MAP4K2: variants seen among roughly 807,000 people sequenced by gnomAD.
MAP4K2 encodes mitogen-activated protein kinase kinase kinase kinase 2.
A neutral mutation model predicts 125.3 loss-of-function variants in MAP4K2; 85 were observed. That is an observed-to-expected ratio of 0.68 (90% CI 0.57 to 0.81). MAP4K2 has a LOEUF of 0.81. MAP4K2 is among the 40% of genes least tolerant of loss of function. MAP4K2 has a pLI of 0.00. For synonymous variants in MAP4K2, 479 were observed against 445.1 expected (o/e 1.08, Z -0.96); for missense variants, 923 against 1,056.4 (o/e 0.87, Z 1.75).
Position 64,789,958 on chromosome 11 carries a change from C to T in MAP4K2, c.2250G>A (p.Val750=), listed in dbSNP as rs896548407. ...LTFDFPIETV[V]CLQDSVLAFW... The stretch of plus-strand genomic sequence containing the variant: ...AGGCCAGCACACTGTCCTGCAGGCA[C>T]ACTATGGGGGCCAGGCCACCATCAG... Residue 750 remains valine (V), a splice_region_variant and synonymous_variant, in exon 30 of 32, where the codon GTG becomes GTA. Coordinates refer to ENST00000294066, the MANE Select transcript of MAP4K2 (RefSeq NM_004579.5). The T allele has an allele frequency of 3.7e-6, 6 of 1,613,144 alleles. No individual in the cohort carries two copies. The highest frequency in any genetic ancestry group is 1.3e-5 in the African/African-American group (1 of 74,890).
intron 27 of MAP4K2, among the ~76,000 whole-genome samples, chr11:64,790,939 C>T (rs1303394400): frequency 6.6e-6 from 1 of 152,116 alleles, no homozygotes; most frequent in Non-Finnish European, 1.5e-5. Flanking sequence ...TGTTGGAGAC[C>T]AGCCTGGCCA....
At chr11:64,797,568 T>C in intron 16 of MAP4K2, 34 bp from the exon 17 acceptor site, 1 of 1,575,190 alleles carries the variant, frequency 6.3e-7, no homozygotes, top group East Asian at 2.3e-5. Context: ...AGGCATGAGG[T>C]GTGACTGGCA....
At position 64,803,115 on chromosome 11, in the gene MAP4K2, G is replaced by T; in HGVS notation, c.35C>A (p.Pro12Gln). ...ALLRDVSLQD[P>Q]RDRFELLQRV... ...CTGCAGCAGCTCGAAGCGGTCCCGCGGGTCCTGCAGCGACACATCCCGCAG... is the reference window on the plus strand; with the variant it reads ...CTGCAGCAGCTCGAAGCGGTCCCGCTGGTCCTGCAGCGACACATCCCGCAG... Residue 12 changes from proline (P) to glutamine (Q), a missense_variant, in exon 1 of 32, where the codon CCG becomes CAG. Transcript: ENST00000294066. The T allele has an allele frequency of 6.3e-7, 1 of 1,583,942 alleles. No individual in the cohort carries two copies.
At chr11:64,800,418 G>A (rs748602792) in intron 10 of MAP4K2, 26 bp from the exon 11 acceptor site, 81 of 1,610,636 alleles carry the variant, frequency 5.0e-5, no homozygotes, top group Middle Eastern at 1.6e-4. Flanking sequence ...GCCCCCCAGC[G>A]CCAGATCCAG....
chr11:64,798,752 C>T (rs1940980399), intron 15 of MAP4K2, 42 bp downstream of exon 15: 1 of 1,610,622 alleles, frequency 6.2e-7, no homozygotes, highest in Non-Finnish European at 8.5e-7. Context: ...AGCCTTTCTG[C>T]CGCCCCTGCC....
chr11:64,801,002 C>A lies in MAP4K2; in HGVS notation c.560G>T (p.Arg187Leu). The A allele has an allele frequency of 6.2e-7, 1 of 1,613,966 alleles. No homozygotes were observed. The highest frequency in any genetic ancestry group is 8.5e-7 in the Non-Finnish European group (1 of 1,180,000). Residue 187 changes from arginine to leucine, a missense_variant, in exon 9 of 32, where the codon CGC (arginine) becomes CTC (leucine). This residue lies in a region of MAP4K2 where 833 missense variants were observed against 911.4 expected (regional missense o/e 0.91). Coordinates refer to ENST00000294066, the MANE Select transcript of MAP4K2 (RefSeq NM_004579.5). ...ACATAGCTCATTGTAGCCACCTTTGCGCTCCACAGCAGCCACCTCGGGAGC... is the reference window on the plus strand; with the variant it reads ...ACATAGCTCATTGTAGCCACCTTTGAGCTCCACAGCAGCCACCTCGGGAGC... Reference protein sequence around the residue: ...WMAPEVAAVERKGGYNELCDV... With the variant: ...WMAPEVAAVELKGGYNELCDV...
chr11:64,788,489 C>T lies in MAP4K2; in HGVS notation c.*1048G>A, dbSNP rs1940296872. 1 of 152,280 alleles carries T rather than the reference C, an allele frequency of 6.6e-6. No individual in the cohort carries two copies. The highest frequency in any genetic ancestry group is 2.1e-4 in the South Asian group (1 of 4,830). The allele number at this position is 152,280 out of a possible 1,614,324, so 9.4% of individuals were successfully genotyped here. A position where few individuals can be genotyped will look rare whatever the true frequency, so the allele number is the denominator to read the frequency against. ...GACCCTTGGAGAATGACAGCGTAAG[C>T]ACAAGCTACAGGAGAATGGCCATGC... On this transcript the variant is annotated 3_prime_UTR_variant, in exon 32 of 32. Transcript: ENST00000294066.
chr11:64,799,722 G>A (rs762196632), intron 12 of MAP4K2, 39 bp from the exon 13 acceptor site: 49 of 1,563,502 alleles, frequency 3.1e-5, no homozygotes, highest in Middle Eastern at 1.7e-4. Flanking sequence ...CACCTGGCAC[G>A]CGCCTCATGC....
intron 7 of MAP4K2, 47 bp from the exon 8 acceptor site, chr11:64,801,230 AC>A: frequency 6.3e-7 from 1 of 1,587,666 alleles, no homozygotes; most frequent in Non-Finnish European, 8.6e-7. Context: ...GCTGCCACTC[AC>A]CCTCCCACGC....
rs1210441898 is a variant in MAP4K2, at chr11:64,785,147, A to G, written c.*4390T>C. 1 of 152,242 alleles carries G rather than the reference A, an allele frequency of 6.6e-6. No homozygotes were observed. Among genetic ancestry groups the G allele is most frequent in the Non-Finnish European group, 1.5e-5 (1 of 68,036 alleles). 9.4% of individuals were successfully genotyped at this position (152,242 alleles called of 1,614,324 possible). On this transcript the variant is annotated 3_prime_UTR_variant, in exon 32 of 32. Coordinates refer to ENST00000294066, the MANE Select transcript of MAP4K2 (RefSeq NM_004579.5). Reference sequence around the variant, plus strand: ...AAGTACATACTGTGTGATTCTATTTACATACATTCTAGAAAGTGCAGATTA... The same window carrying G: ...AAGTACATACTGTGTGATTCTATTTGCATACATTCTAGAAAGTGCAGATTA...
chr11:64,794,209 C>T (rs1267593424), intron 24 of MAP4K2, among the ~76,000 whole-genome samples: 2 of 152,236 alleles, frequency 1.3e-5, no homozygotes, highest in Non-Finnish European at 1.5e-5. Flanking sequence ...CCCCCTGAAA[C>T]TGCTCCACCT....
intron 15 of MAP4K2, 75 bp downstream of exon 15, chr11:64,798,719 G>T (rs1177968324): frequency 1.3e-6 from 2 of 1,534,380 alleles, no homozygotes; most frequent in African/African-American, 1.4e-5. Context: ...ACAGGCATGA[G>T]CCACCACGCC....
chr11:64,797,609 A>C lies in MAP4K2; in HGVS notation c.1136+17T>G. 8 of 1,579,010 alleles carry C rather than the reference A, an allele frequency of 5.1e-6. No homozygotes were observed. Among genetic ancestry groups the C allele is most frequent in the Non-Finnish European group, 6.0e-6 (7 of 1,161,598 alleles). ...GCCACCTGCCCCTTGCCCCTCCCCC[A>C]GGCCCACATCCCTCACCTTTCCTCC... On this transcript the variant is annotated intron_variant, in intron 16 of 31. Transcript: ENST00000294066.
intron 19 of MAP4K2, 35 bp from the exon 20 acceptor site, chr11:64,797,058 C>G: frequency 1.9e-6 from 3 of 1,614,092 alleles, no homozygotes; most frequent in East Asian, 2.2e-5. Flanking sequence ...GCTGATATGA[C>G]AGCTGTAGCC....
Position 64,797,770 on chromosome 11 carries a change from A to G in MAP4K2, c.1098-106T>C, listed in dbSNP as rs1408303045. The G allele has an allele frequency of 2.0e-5, 22 of 1,107,968 alleles. No individual in the cohort carries two copies. The South Asian group carries it at 2.9e-4, about 15-fold the overall frequency. 68.6% of individuals were successfully genotyped at this position (1,107,968 alleles called of 1,614,324 possible). ...ACCCAGGCCGGAGTGCAGTGGCGCAATCGCGGCTCACTGCAAGCTCCGCCC... is the reference window on the plus strand; with the variant it reads ...ACCCAGGCCGGAGTGCAGTGGCGCAGTCGCGGCTCACTGCAAGCTCCGCCC... On this transcript the variant is annotated intron_variant, in intron 15 of 31. Coordinates refer to ENST00000294066, the MANE Select transcript of MAP4K2 (RefSeq NM_004579.5).
chr11:64,802,987 G>A (rs1941332153), intron 1 of MAP4K2, 45 bp from the exon 2 acceptor site: 1 of 1,560,228 alleles, frequency 6.4e-7, no homozygotes, highest in Non-Finnish European at 8.7e-7. Context: ...GGGGCCGGGG[G>A]CTAGATCCTG....
chr11:64,799,427 A>T lies in MAP4K2; in HGVS notation c.1047T>A (p.Asn349Lys), dbSNP rs577821540. The T allele has an allele frequency of 6.2e-7, 1 of 1,612,730 alleles. No individual in the cohort carries two copies. Among genetic ancestry groups the T allele is most frequent in the East Asian group, 2.2e-5 (1 of 44,874 alleles). ...TCAAGGCCTGCCCACTCACCGGCTC[A>T]TTCAGTGGGTCAGTTTCCTTCCTGC... ...APRRKETDPL[N>K]EPWEEEWTLL... is the part of the protein sequence containing the mutation. The change falls in exon 14 of 32, where the codon AAT becomes AAA. Residue 349 changes from asparagine to lysine, a missense_variant. Physicochemically the swap from Asn to Lys is moderately conservative, Grantham distance 94. This residue lies in a region of MAP4K2 where 833 missense variants were observed against 911.4 expected (regional missense o/e 0.91). Coordinates refer to ENST00000294066, the MANE Select transcript of MAP4K2 (RefSeq NM_004579.5).
chr11:64,799,081 C>T (rs1282810319), intron 14 of MAP4K2, among the ~76,000 whole-genome samples: 9 of 152,036 alleles, frequency 5.9e-5, no homozygotes, highest in African/African-American at 7.2e-5. Flanking sequence ...GTGACAGAGC[C>T]GATGAGGGCA....
At chr11:64,802,023 C>G (rs1356684019) in intron 5 of MAP4K2, 43 bp downstream of exon 5, 4 of 1,592,546 alleles carry the variant, frequency 2.5e-6, no homozygotes, top group Admixed American at 1.7e-5. Context: ...TGGCCCACAG[C>G]TTCTGGAGAC....
Sources: gnomAD v4.1 joint callset for allele counts (sites outside exome capture counted in the v4.1 genomes callset) on GRCh38, gnomAD v4.1.1 for gene constraint, gnomAD v4.1.1 regional missense constraint, MANE v1.5 for transcripts, NCBI Gene and HGNC (gene_info 2026-07-23, HGNC 2026-07-21) for gene names.